Variants in SPDYE16 observed in about 807,000 individuals in gnomAD.
SPDYE16 encodes speedy protein E16.
Under a neutral mutation model 40.1 loss-of-function variants are expected in SPDYE16, and 5 were observed. The observed-to-expected ratio is 0.12, with a 90% CI of 0.07 to 0.26. SPDYE16 has a LOEUF of 0.26. Ranked by LOEUF, SPDYE16 falls within the 10% of genes least tolerant of loss-of-function variation. The probability of loss-of-function intolerance (pLI) is 1.00; values close to 1 mark genes in which losing one functional copy is unlikely to be tolerated. For missense variants in SPDYE16, 98 were observed against 409.8 expected (o/e 0.24, Z 6.57); for synonymous variants, 40 against 154.2 (o/e 0.26, Z 5.49).
At chr7:76,539,528 C>T (rs1392611448) in intron 3 of SPDYE16, among the ~76,000 whole-genome samples, 2 of 92,768 alleles carry the variant, frequency 2.2e-5, no homozygotes, top group Non-Finnish European at 4.0e-5. Context: ...TATCTTGGCT[C>T]AAAGCATCCT....
At position 76,534,340 on chromosome 7, in the gene SPDYE16, C is replaced by G. The variant is rs1340616345; in HGVS notation, c.756-221G>C. 8.1e-5 allele frequency among the ~76,000 whole-genome samples: 7 copies of G among 86,898 alleles called. 2 individuals carry two copies. Among genetic ancestry groups the G allele is most frequent in the Non-Finnish European group, 1.1e-4 (5 of 43,786 alleles). The allele number at this position is 86,898 out of a possible 152,430, so 57.0% of individuals were successfully genotyped here. On this transcript the variant is annotated intron_variant, in intron 6 of 8. Coordinates refer to ENST00000633306, the MANE Select transcript of SPDYE16 (RefSeq NM_001394943.1). ...TGGAGACAAAAACCCAACTGGTGGC[C>G]GAGAGTGGTGGCTTATGCCTGGAAT...
At chr7:76,542,808 AT>A (rs1813230118) in intron 1 of SPDYE16, among the ~76,000 whole-genome samples, 1 of 117,870 alleles carries the variant, frequency 8.5e-6, no homozygotes, top group African/African-American at 2.8e-5. Flanking sequence ...TGTCAAAAAA[AT>A]TTTTTTTGAT....
intron 2 of SPDYE16, among the ~76,000 whole-genome samples, chr7:76,540,856 C>G (rs999720402): frequency 6.9e-6 from 1 of 145,630 alleles, no homozygotes; most frequent in Non-Finnish European, 1.5e-5. Flanking sequence ...CCTTGGCCTC[C>G]CAAAGTTCTG....
chr7:76,536,049 CT>C lies in SPDYE16; in HGVS notation c.755+122del. 3 of 300,666 alleles carry C rather than the reference CT, an allele frequency of 1.0e-5. 1 individual carries two copies. Among genetic ancestry groups the C allele is most frequent in the Non-Finnish European group, 1.8e-5 (3 of 169,726 alleles). The allele number at this position is 300,666 out of a possible 1,614,324, so 18.6% of individuals were successfully genotyped here. On this transcript the variant is annotated intron_variant, in intron 6 of 8. Transcript: ENST00000633306. ...ACAGTCTATGATAGTATAATCCTCT[CT>C]TTTTTGTACACAGAGTAAAGAGGAC...
Position 76,541,385 on chromosome 7 carries a change from G to C in SPDYE16, c.75C>G (p.His25Gln), listed in dbSNP as rs1359372437. Residue 25 changes from histidine to glutamine, a missense_variant, in exon 2 of 9, where the codon CAC becomes CAG. By Grantham distance (24) the His-to-Gln change is conservative (BLOSUM62 0). Transcript: ENST00000633306. Reference sequence around the variant, plus strand: ...GCTGGGGACTCTGCTCATTCTGGGGGTGAGGTTGACGGCTGGTCGTGATCT... The same window carrying C: ...GCTGGGGACTCTGCTCATTCTGGGGCTGAGGTTGACGGCTGGTCGTGATCT... ...KGKITTSRQP[H>Q]PQNEQSPQRS... is the part of the protein sequence containing the mutation. The C allele has an allele frequency of 1.3e-6, 2 of 1,534,578 alleles. No individual in the cohort carries two copies. Among genetic ancestry groups the C allele is most frequent in the African/African-American group, 1.4e-5 (1 of 72,692 alleles).
At chr7:76,539,014 TC>T (rs1813101193) in intron 3 of SPDYE16, among the ~76,000 whole-genome samples, 198 bp from the exon 4 acceptor site, 1 of 76,920 alleles carries the variant, frequency 1.3e-5, no homozygotes, top group East Asian at 3.1e-4. Context: ...CGTTTCTCTG[TC>T]CTCAGAACAC....
In SPDYE16 at chr7:76,539,447, CTTTTTTTTTTTT is replaced by C. The variant is rs1193621613; in HGVS notation, c.380-643_380-632del. On this transcript the variant is annotated intron_variant, in intron 3 of 8. Transcript: ENST00000633306. ...CTGACTTCTGGGCCCGCCCTTCCTT[CTTTTTTTTTTTT>C]TTTTTTTTTTTTTGAGAGAGCGTCT... Among the ~76,000 whole-genome samples the C allele has an allele frequency of 1.3e-4, 4 of 30,264 alleles. 1 individual carries two copies. The highest frequency in any genetic ancestry group is 1.6e-4 in the Non-Finnish European group (3 of 18,784). The allele number at this position is 30,264 out of a possible 152,430, so 19.9% of individuals were successfully genotyped here. A position where few individuals can be genotyped will look rare whatever the true frequency, so the allele number is the denominator to read the frequency against.
Position 76,541,360 on chromosome 7 carries a change from G to T in SPDYE16, c.100C>A (p.Arg34=), listed in dbSNP as rs540636586. 36 of 1,534,766 alleles carry T rather than the reference G, an allele frequency of 2.3e-5. No individual in the cohort carries two copies. The East Asian group carries it at 8.1e-4, about 34-fold the overall frequency. ...PHPQNEQSPQ[R]STSGYSLQEV... ...TGGAGGGAGTACCCCGAGGTGCTCC[G>T]CTGGGGACTCTGCTCATTCTGGGGG... The change falls in exon 2 of 9, where the codon CGG becomes AGG. Residue 34 remains arginine, a synonymous_variant. Coordinates refer to ENST00000633306, the MANE Select transcript of SPDYE16 (RefSeq NM_001394943.1).
At chr7:76,535,696 CTTTT>C (rs766282349) in intron 6 of SPDYE16, among the ~76,000 whole-genome samples, 4 of 26,732 alleles carry the variant, frequency 1.5e-4, no homozygotes, top group Admixed American at 4.1e-4. Flanking sequence ...GTTTTTTTGG[CTTTT>C]TTTTTTTTTT....
At position 76,532,151 on chromosome 7, in the gene SPDYE16, A is replaced by G. The variant is rs890348787; in HGVS notation, c.*689T>C. 9 of 83,012 alleles carry G rather than the reference A, an allele frequency of 1.1e-4. 3 individuals carry two copies. The highest frequency in any genetic ancestry group is 9.1e-4 in the Admixed American group (8 of 8,804). The allele number at this position is 83,012 out of a possible 1,614,324, so 5.1% of individuals were successfully genotyped here. Reference sequence around the variant, plus strand: ...TAATACAGAAACAAATTTAAAGATAATAAAATATTTAGGATAAAAAGAATT... The same window carrying G: ...TAATACAGAAACAAATTTAAAGATAGTAAAATATTTAGGATAAAAAGAATT... On this transcript the variant is annotated 3_prime_UTR_variant, in exon 9 of 9. Transcript: ENST00000633306.
intron 6 of SPDYE16, 22 bp from the exon 7 acceptor site, chr7:76,534,141 C>G (rs201124598): frequency 0.025 from 39,644 of 1,566,326 alleles, 1,745 homozygotes; most frequent in East Asian, 0.094. Flanking sequence ...AATCAGGTTG[C>G]TGCTCAGGGG....
At position 76,539,015 on chromosome 7, in the gene SPDYE16, C is replaced by T. The variant is rs1371027602; in HGVS notation, c.380-199G>A. Reference sequence around the variant, plus strand: ...CCTCCCCATTCTCCCGTTTCTCTGTCCTCAGAACACTTCCTCATATCCTTC... The same window carrying T: ...CCTCCCCATTCTCCCGTTTCTCTGTTCTCAGAACACTTCCTCATATCCTTC... On this transcript the variant is annotated intron_variant, in intron 3 of 8. Transcript: ENST00000633306. Among the ~76,000 whole-genome samples, 2 of 77,614 alleles carry T rather than the reference C, an allele frequency of 2.6e-5. 1 individual carries two copies. Among genetic ancestry groups the T allele is most frequent in the Non-Finnish European group, 5.0e-5 (2 of 40,154 alleles). The allele number at this position is 77,614 out of a possible 152,430, so 50.9% of individuals were successfully genotyped here. A position where few individuals can be genotyped will look rare whatever the true frequency, so the allele number is the denominator to read the frequency against.
rs1469958805 is a variant in SPDYE16, at chr7:76,539,068, T to TC, written c.380-253_380-252insG. Among the ~76,000 whole-genome samples the TC allele has an allele frequency of 6.7e-5, 4 of 59,902 alleles. 1 individual carries two copies. The highest frequency in any genetic ancestry group is 1.9e-4 in the Admixed American group (1 of 5,304). 39.3% of individuals were successfully genotyped at this position (59,902 alleles called of 152,430 possible). A position where few individuals can be genotyped will look rare whatever the true frequency, so the allele number is the denominator to read the frequency against. ...TGGTCCCTGGCTCTCTGAGTCTCTCTTTTTTTTTTTTTTTTGTTGTTGTTG... is the reference window on the plus strand; with the variant it reads ...TGGTCCCTGGCTCTCTGAGTCTCTCTCTTTTTTTTTTTTTTTGTTGTTGTTG... On this transcript the variant is annotated intron_variant, in intron 3 of 8. Transcript: ENST00000633306.
rs1395234995 is a variant in SPDYE16, at chr7:76,535,966, A to G, written c.755+206T>C. 2.4e-5 allele frequency among the ~76,000 whole-genome samples: 2 copies of G among 82,250 alleles called. 1 individual carries two copies. Among genetic ancestry groups the G allele is most frequent in the Non-Finnish European group, 4.8e-5 (2 of 42,018 alleles). The allele number at this position is 82,250 out of a possible 152,430, so 54.0% of individuals were successfully genotyped here. On this transcript the variant is annotated intron_variant, in intron 6 of 8. Coordinates refer to ENST00000633306, the MANE Select transcript of SPDYE16 (RefSeq NM_001394943.1). ...TGATCTGCCTGCCTCGGCCTCCCAA[A>G]GTGCTGGGATTACAGGTGTATGCCA...
chr7:76,532,749 A>T lies in SPDYE16; in HGVS notation c.*91T>A, dbSNP rs1812947938. The T allele has an allele frequency of 2.5e-6, 1 of 404,066 alleles. No homozygotes were observed. The highest frequency in any genetic ancestry group is 4.3e-5 in the South Asian group (1 of 23,458). The allele number at this position is 404,066 out of a possible 1,614,324, so 25.0% of individuals were successfully genotyped here. A position where few individuals can be genotyped will look rare whatever the true frequency, so the allele number is the denominator to read the frequency against. ...TCCTGTTGACTGCCATTAGCATTGG[A>T]ATAAAGTTCCTGCTGAAAATCCACA... is the stretch of plus-strand genomic sequence containing the variant. On this transcript the variant is annotated 3_prime_UTR_variant, in exon 9 of 9. Transcript: ENST00000633306.
rs1431767537 is a variant in SPDYE16 at position 76,532,001 on chromosome 7, A to C, written c.*839T>G. 2 of 80,614 alleles carry C rather than the reference A, an allele frequency of 2.5e-5. 1 individual carries two copies. The highest frequency in any genetic ancestry group is 4.8e-5 in the Non-Finnish European group (2 of 41,632). 5.0% of individuals were successfully genotyped at this position (80,614 alleles called of 1,614,324 possible). On this transcript the variant is annotated 3_prime_UTR_variant, in exon 9 of 9. Transcript: ENST00000633306. Reference sequence around the variant, plus strand: ...ATTCAGTCACAGACCTAAACAGCAAATAAAAATTTCTATCACCAGAATTAT... The same window carrying C: ...ATTCAGTCACAGACCTAAACAGCAACTAAAAATTTCTATCACCAGAATTAT...
At position 76,541,292 on chromosome 7, in the gene SPDYE16, C is replaced by T; in HGVS notation, c.160+8G>A. 3.9e-6 allele frequency: 6 copies of T among 1,533,944 alleles called. No homozygotes were observed. The highest frequency in any genetic ancestry group is 5.2e-6 in the Non-Finnish European group (6 of 1,146,546). On this transcript the variant is annotated splice_region_variant and intron_variant, in intron 2 of 8. Coordinates refer to ENST00000633306, the MANE Select transcript of SPDYE16 (RefSeq NM_001394943.1). ...CTATCCCACCTCTTCTTCCACCAGT[C>T]CCCTCACCTGATGATCCCAACACTT...
In SPDYE16 at chr7:76,541,343, G is replaced by C; in HGVS notation, c.117C>G (p.Tyr39Ter). The change falls in exon 2 of 9, where the codon TAC becomes TAG. Residue 39 changes from tyrosine (Y) to a stop codon, truncating the protein, a stop_gained. Transcript: ENST00000633306. LOFTEE classifies it high-confidence loss of function. ...CATCATCCACCACCTCCTGGAGGGA[G>C]TACCCCGAGGTGCTCCGCTGGGGAC... ...EQSPQRSTSG[Y>*]SLQEVVDDEV... The C allele has an allele frequency of 6.5e-7, 1 of 1,534,870 alleles. No homozygotes were observed. Among genetic ancestry groups the C allele is most frequent in the Non-Finnish European group, 8.7e-7 (1 of 1,146,652 alleles).
At position 76,543,196 on chromosome 7, in the gene SPDYE16, G is replaced by GT. The variant is rs1813242633; in HGVS notation, c.-443dup. On this transcript the variant is annotated 5_prime_UTR_variant, in exon 1 of 9. An upstream open reading frame in the 5' UTR gains an earlier in-frame stop. Coordinates refer to ENST00000633306, the MANE Select transcript of SPDYE16 (RefSeq NM_001394943.1). ...AGAACCTGCGAGTGAGTTCCCACAC[G>GT]TTTTCCTAATGGGCTGCTGCTTTCC... 6.7e-6 allele frequency among the ~76,000 whole-genome samples: 1 copy of GT among 148,352 alleles called. No individual in the cohort carries two copies. The highest frequency in any genetic ancestry group is 1.9e-4 in the East Asian group (1 of 5,166).
Sources: allele counts gnomAD v4.1 joint callset (sites outside exome capture counted in the v4.1 genomes callset), GRCh38; gene constraint gnomAD v4.1.1; transcripts MANE v1.5; gene names NCBI Gene and HGNC (gene_info 2026-07-23, HGNC 2026-07-21).